UMAD1: variants seen among roughly 807,000 people sequenced by gnomAD.
UMAD1 encodes UBAP1-MVB12-associated (UMA)-domain containing protein 1.
In UMAD1, 8 loss-of-function variants were observed where a neutral mutation model predicts 6.1. The ratio of observed to expected loss-of-function variants is 1.30; its 90% CI spans 0.76 to 2.35. The LOEUF is 2.35. UMAD1 is among the 30% of genes most tolerant of loss of function. The pLI, the probability that UMAD1 is intolerant of heterozygous loss-of-function variation, is 0.00. For synonymous variants in UMAD1, 56 were observed against 31.4 expected, an observed-to-expected ratio of 1.78 and a Z score of -2.61; for missense variants, 130 against 78.4, an observed-to-expected ratio of 1.66 and a Z score of -2.49.
At chr7:7,680,463 C>T (rs945802998) in intron 2 of UMAD1, among the ~76,000 whole-genome samples, 2 of 152,074 alleles carry the variant, frequency 1.3e-5, no homozygotes, top group African/African-American at 4.8e-5. Flanking sequence ...AATTTGAAGT[C>T]AGGTAGTGTG....
intron 2 of UMAD1, among the ~76,000 whole-genome samples, chr7:7,733,775 T>A (rs1401320921): frequency 1.3e-5 from 2 of 151,784 alleles, no homozygotes; most frequent in African/African-American, 4.8e-5. Context: ...ATAGTCCATT[T>A]GTATTAGTAG....
chr7:7,743,112 G>A lies in UMAD1; in HGVS notation c.83-58558G>A, dbSNP rs770100786. On this transcript the variant is annotated intron_variant, in intron 2 of 3. Coordinates refer to ENST00000682710, the MANE Select transcript of UMAD1 (RefSeq NM_001302348.2). Reference sequence around the variant, plus strand: ...TTTATTCACATGAATGTGAATTTCTGTGTAAGTATGTATCTAAAATTGGTT... The same window carrying A: ...TTTATTCACATGAATGTGAATTTCTATGTAAGTATGTATCTAAAATTGGTT... Among the ~76,000 whole-genome samples, 3 of 152,238 alleles carry A rather than the reference G, an allele frequency of 2.0e-5. No homozygotes were observed. In the East Asian group the frequency reaches 5.8e-4, roughly 29 times the overall value.
intron 2 of UMAD1, among the ~76,000 whole-genome samples, chr7:7,784,622 G>A (rs1459286457): frequency 6.6e-6 from 1 of 151,988 alleles, no homozygotes; most frequent in Non-Finnish European, 1.5e-5. Flanking sequence ...TGGGATTACA[G>A]GCGTGAGCCA....
chr7:7,692,744 GGAC>G (rs1387240804), intron 2 of UMAD1, among the ~76,000 whole-genome samples: 1 of 152,034 alleles, frequency 6.6e-6, no homozygotes, highest in East Asian at 1.9e-4. Flanking sequence ...CGAGTAGTTG[GGAC>G]TACAGGCCTG....
At chr7:7,662,210 G>A (rs962196935) in intron 1 of UMAD1, among the ~76,000 whole-genome samples, 3 of 152,168 alleles carry the variant, frequency 2.0e-5, no homozygotes, top group Non-Finnish European at 2.9e-5. Flanking sequence ...TGCTGGCAGC[G>A]ATAATTTCAA....
At chr7:7,730,869 G>A (rs780088543) in intron 2 of UMAD1, among the ~76,000 whole-genome samples, 2 of 151,460 alleles carry the variant, frequency 1.3e-5, no homozygotes, top group Non-Finnish European at 2.9e-5. Context: ...AGGGGCAGTA[G>A]TCGGAGTGGA....
chr7:7,825,699 A>G (rs1284269559), intron 3 of UMAD1, among the ~76,000 whole-genome samples: 3 of 152,314 alleles, frequency 2.0e-5, no homozygotes, highest in African/African-American at 7.2e-5. Context: ...TAATATTGGC[A>G]TGATATATTT....
chr7:7,753,116 C>T (rs1269790327), intron 2 of UMAD1, among the ~76,000 whole-genome samples: 1 of 152,030 alleles, frequency 6.6e-6, no homozygotes, highest in Non-Finnish European at 1.5e-5. Flanking sequence ...AAATTGTTGT[C>T]ACATCATCTT....
intron 2 of UMAD1, among the ~76,000 whole-genome samples, chr7:7,710,401 G>A (rs946505930): frequency 2.0e-5 from 3 of 152,098 alleles, no homozygotes; most frequent in African/African-American, 7.2e-5. Flanking sequence ...ATTAGAAAAT[G>A]GGCAAAAGAC....
chr7:7,687,745 A>G (rs1373198170), intron 2 of UMAD1, among the ~76,000 whole-genome samples: 1 of 152,252 alleles, frequency 6.6e-6, no homozygotes, highest in Non-Finnish European at 1.5e-5. Flanking sequence ...CTATACATAC[A>G]CACACATATT....
chr7:7,849,621 C>T (rs1279439243), intron 3 of UMAD1, among the ~76,000 whole-genome samples: 3 of 152,156 alleles, frequency 2.0e-5, no homozygotes, highest in Admixed American at 2.0e-4. Flanking sequence ...GGTATTCTCT[C>T]ATATACTGCA....
chr7:7,835,946 CTCTAA>C (rs1428116317), intron 3 of UMAD1, among the ~76,000 whole-genome samples: 2 of 151,962 alleles, frequency 1.3e-5, no homozygotes, highest in African/African-American at 2.4e-5. Flanking sequence ...TGAAAACATT[CTCTAA>C]TCTAAATTTT....
intron 2 of UMAD1, among the ~76,000 whole-genome samples, chr7:7,783,794 A>T (rs1352823832): frequency 6.6e-6 from 1 of 152,252 alleles, no homozygotes; most frequent in Non-Finnish European, 1.5e-5. Flanking sequence ...GCACCCTGTT[A>T]TACGCGGTAA....
At chr7:7,780,945 A>C (rs1782332724) in intron 2 of UMAD1, among the ~76,000 whole-genome samples, 1 of 152,178 alleles carries the variant, frequency 6.6e-6, no homozygotes, top group Non-Finnish European at 1.5e-5. Context: ...CCAGGTTTTC[A>C]CTATTAGAAA....
chr7:7,682,030 C>G (rs1161365545), intron 2 of UMAD1, among the ~76,000 whole-genome samples: 1 of 152,022 alleles, frequency 6.6e-6, no homozygotes, highest in African/African-American at 2.4e-5. Flanking sequence ...TATTGTTGAC[C>G]AAATATTGAA....
chr7:7,842,840 G>A (rs535912332), intron 3 of UMAD1, among the ~76,000 whole-genome samples: 47 of 152,174 alleles, frequency 3.1e-4, no homozygotes, highest in African/African-American at 9.9e-4. Flanking sequence ...TGGTACTCAG[G>A]GAGGAAGACA....
At chr7:7,841,361 C>CTGGA (rs1783678559) in intron 3 of UMAD1, among the ~76,000 whole-genome samples, 1 of 148,812 alleles carries the variant, frequency 6.7e-6, no homozygotes, top group South Asian at 2.1e-4. Context: ...GTCGCCAAGG[C>CTGGA]TGGAGTGCAA....
chr7:7,653,905 C>T (rs1583696875), intron 1 of UMAD1, among the ~76,000 whole-genome samples: 1 of 152,182 alleles, frequency 6.6e-6, no homozygotes, highest in African/African-American at 2.4e-5. Context: ...TAAGGACAGC[C>T]TCCCACAACA....
At chr7:7,649,963 C>G (rs1223815507) in intron 1 of UMAD1, among the ~76,000 whole-genome samples, 1 of 152,218 alleles carries the variant, frequency 6.6e-6, no homozygotes, top group African/African-American at 2.4e-5. Context: ...TATACTGGAG[C>G]TTTGATCTTA....
Sources: allele counts gnomAD v4.1 joint callset (sites outside exome capture counted in the v4.1 genomes callset), GRCh38; gene constraint gnomAD v4.1.1; transcripts MANE v1.5; gene names NCBI Gene and HGNC (gene_info 2026-07-23, HGNC 2026-07-21).